The following MYT1L variants were observed in gnomAD, a reference collection of about 807,000 sequenced individuals.
The protein encoded by MYT1L is myelin transcription factor 1-like protein.
Under a neutral mutation model 126.7 loss-of-function variants are expected in MYT1L, and 12 were observed. The ratio of observed to expected loss-of-function variants is 0.09; its 90% confidence interval spans 0.06 to 0.15. MYT1L has a LOEUF of 0.15. Among genes scored for constraint, MYT1L ranks in the 10% least tolerant of loss-of-function variants. The probability of loss-of-function intolerance (pLI) is 1.00; values close to 1 mark genes in which losing one functional copy is unlikely to be tolerated. For synonymous variants in MYT1L, 541 were observed against 604.2 expected (o/e 0.90, Z 1.53); for missense variants, 979 against 1,585.2 (o/e 0.62, Z 6.49).
chr2:2,152,722 A>G (rs796598375), intron 3 of MYT1L, among the ~76,000 whole-genome samples: 1 of 152,206 alleles, frequency 6.6e-6, no homozygotes. Flanking sequence ...AAATAATTCA[A>G]TTCTACTGGT....
intron 2 of MYT1L, among the ~76,000 whole-genome samples, chr2:2,194,178 C>T (rs2092706385): frequency 6.6e-6 from 1 of 151,966 alleles, no homozygotes; most frequent in Non-Finnish European, 1.5e-5. Flanking sequence ...TCCTGGGGCT[C>T]AAGTGATCTT....
intron 2 of MYT1L, among the ~76,000 whole-genome samples, chr2:2,265,099 C>T (rs1245472289): frequency 5.3e-5 from 8 of 150,336 alleles, no homozygotes; most frequent in African/African-American, 2.0e-4. Context: ...GTGATAATGG[C>T]TCACTGCAAC....
Position 2,293,352 on chromosome 2 carries a change from G to A in MYT1L, c.-520-8849C>T, listed in dbSNP as rs535075018. Among the ~76,000 whole-genome samples, 12 of 152,312 alleles carry A rather than the reference G, an allele frequency of 7.9e-5. No homozygotes were observed. The South Asian group carries it at 1.2e-3, about 16-fold the overall frequency. On this transcript the variant is annotated intron_variant, in intron 1 of 24. Transcript: ENST00000647738. ...GGAAGAGTGAGGGCTTCAGAGCTCC[G>A]TCCCCAGTGCCCAGGTACTACAGAT...
intron 18 of MYT1L, among the ~76,000 whole-genome samples, chr2:1,854,636 G>T (rs763255328): frequency 6.6e-6 from 1 of 152,160 alleles, no homozygotes; most frequent in African/African-American, 2.4e-5. Flanking sequence ...ACTGTACTGA[G>T]GAAGAAAAAA....
chr2:1,924,258 T>C (rs918813906), intron 9 of MYT1L, among the ~76,000 whole-genome samples: 4 of 152,204 alleles, frequency 2.6e-5, no homozygotes, highest in Non-Finnish European at 5.9e-5. Context: ...TCAAAGAGCA[T>C]TTGGGATTTG....
chr2:2,044,666 C>A (rs371419863), intron 4 of MYT1L, among the ~76,000 whole-genome samples: 22 of 152,298 alleles, frequency 1.4e-4, no homozygotes, highest in East Asian at 5.8e-4. Context: ...CCATGATTAA[C>A]CATCTTGGGG....
intron 8 of MYT1L, among the ~76,000 whole-genome samples, chr2:1,966,137 G>A (rs2059335563): frequency 6.6e-6 from 1 of 152,220 alleles, no homozygotes. Flanking sequence ...CATCACCTCT[G>A]CCTGGTGGCC....
At chr2:2,183,138 G>A (rs1377358630) in intron 2 of MYT1L, among the ~76,000 whole-genome samples, 1 of 152,180 alleles carries the variant, frequency 6.6e-6, no homozygotes, top group Non-Finnish European at 1.5e-5. Flanking sequence ...AGGGAAGGGT[G>A]TGTTTGGATG....
At chr2:2,243,258 T>A (rs538352853) in intron 2 of MYT1L, among the ~76,000 whole-genome samples, 2 of 152,382 alleles carry the variant, frequency 1.3e-5, no homozygotes, top group Admixed American at 1.3e-4. Context: ...GACAGGCATG[T>A]CCTATTTTAA....
chr2:2,278,071 T>G (rs2095392499), intron 2 of MYT1L, among the ~76,000 whole-genome samples: 2 of 152,232 alleles, frequency 1.3e-5, no homozygotes, highest in African/African-American at 2.4e-5. Context: ...ATATAACAAC[T>G]GTTAATCTAA....
intron 3 of MYT1L, among the ~76,000 whole-genome samples, chr2:2,056,793 T>C (rs1185763291): frequency 6.6e-6 from 1 of 152,252 alleles, no homozygotes; most frequent in Non-Finnish European, 1.5e-5. Context: ...CGGAAGCTCC[T>C]TGGGGCTCTC....
intron 21 of MYT1L, among the ~76,000 whole-genome samples, chr2:1,815,151 C>T (rs1266542764): frequency 2.0e-5 from 3 of 152,128 alleles, no homozygotes; most frequent in Non-Finnish European, 2.9e-5. Context: ...GGTGAGGTTC[C>T]GTCCTGTGGA....
chr2:1,796,304 T>G (rs1250595872), intron 23 of MYT1L, among the ~76,000 whole-genome samples: 1 of 152,140 alleles, frequency 6.6e-6, no homozygotes, highest in Non-Finnish European at 1.5e-5. Flanking sequence ...AAGTGTAAAA[T>G]GGGTGGGAAT....
chr2:1,924,485 T>C (rs1033672427), intron 9 of MYT1L, among the ~76,000 whole-genome samples: 3 of 152,226 alleles, frequency 2.0e-5, no homozygotes, highest in Admixed American at 6.5e-5. Flanking sequence ...TATTGACCTC[T>C]ACAAAATACC....
chr2:1,803,755 T>C (rs2035241286), intron 22 of MYT1L, among the ~76,000 whole-genome samples: 1 of 152,164 alleles, frequency 6.6e-6, no homozygotes, highest in South Asian at 2.1e-4. Context: ...CTGTGCAGCA[T>C]GCCATTCCTT....
chr2:2,054,381 G>A (rs2069215084), intron 3 of MYT1L, among the ~76,000 whole-genome samples: 1 of 151,926 alleles, frequency 6.6e-6, no homozygotes, highest in Non-Finnish European at 1.5e-5. Flanking sequence ...GACACATGGA[G>A]ATGAAATACA....
At chr2:2,319,023 GTC>G (rs2096116742) in intron 1 of MYT1L, among the ~76,000 whole-genome samples, 1 of 152,190 alleles carries the variant, frequency 6.6e-6, no homozygotes, top group South Asian at 2.1e-4. Context: ...CATTGGAATT[GTC>G]TGAAATACAT....
chr2:1,981,112 G>A (rs2149498873), intron 5 of MYT1L, among the ~76,000 whole-genome samples: 1 of 152,204 alleles, frequency 6.6e-6, no homozygotes. Context: ...AACTCAACAG[G>A]TACAGTATGA....
intron 22 of MYT1L, among the ~76,000 whole-genome samples, chr2:1,802,752 CCTCT>C (rs1171043823): frequency 6.6e-6 from 1 of 152,216 alleles, no homozygotes; most frequent in African/African-American, 2.4e-5. Flanking sequence ...GAAGGAGATT[CCTCT>C]CTATTTGTGA....
Sources: allele counts gnomAD v4.1 joint callset (sites outside exome capture counted in the v4.1 genomes callset), GRCh38; gene constraint gnomAD v4.1.1; transcripts MANE v1.5; gene names NCBI Gene and HGNC (gene_info 2026-07-23, HGNC 2026-07-21).